VWC2: variants seen among roughly 807,000 people sequenced by gnomAD.
VWC2 encodes von Willebrand factor C domain containing 2, also known as brorin.
In VWC2, 14 loss-of-function variants were observed where a neutral mutation model predicts 29.8. That is an observed-to-expected ratio of 0.47 (90% CI 0.31 to 0.74). The LOEUF (loss-of-function observed/expected upper bound fraction) is 0.74, where lower values mean the gene tolerates loss of function less well. VWC2 is among the 30% of genes least tolerant of loss of function. The pLI, the probability that VWC2 is intolerant of heterozygous loss-of-function variation, is 0.05. For synonymous variants in VWC2, 213 were observed against 199.0 expected, an observed-to-expected ratio of 1.07 and a Z score of -0.59; for missense variants, 457 against 459.8, an observed-to-expected ratio of 0.99 and a Z score of 0.05.
At chr7:49,776,279 T>C in intron 2 of VWC2, 148 bp downstream of exon 2, 1 of 705,686 alleles carries the variant, frequency 1.4e-6, no homozygotes, top group Non-Finnish European at 2.3e-6. Flanking sequence ...TGACATGACC[T>C]CTCTTTTTCA....
At chr7:49,854,978 G>A (rs142502526) in intron 3 of VWC2, among the ~76,000 whole-genome samples, 2 of 152,332 alleles carry the variant, frequency 1.3e-5, no homozygotes, top group East Asian at 3.9e-4. Flanking sequence ...TGTCATAAGA[G>A]TAGTGCCAAG....
intron 3 of VWC2, among the ~76,000 whole-genome samples, chr7:49,811,232 G>C (rs1788998499): frequency 6.6e-6 from 1 of 152,246 alleles, no homozygotes; most frequent in African/African-American, 2.4e-5. Context: ...ACAAACAAAT[G>C]ACAAATAACC....
chr7:49,820,560 C>A (rs1323373416), intron 3 of VWC2, among the ~76,000 whole-genome samples: 1 of 152,140 alleles, frequency 6.6e-6, no homozygotes, highest in African/African-American at 2.4e-5. Flanking sequence ...GCAAGTGAGT[C>A]TTTGAACTAA....
intron 3 of VWC2, among the ~76,000 whole-genome samples, chr7:49,860,643 A>T (rs1005845941): frequency 3.0e-4 from 45 of 152,240 alleles, no homozygotes; most frequent in Non-Finnish European, 1.8e-4. Context: ...TTGCTAGGGC[A>T]TATGGTAACT....
intron 3 of VWC2, among the ~76,000 whole-genome samples, chr7:49,883,036 C>T (rs532836410): frequency 6.6e-6 from 1 of 152,174 alleles, no homozygotes; most frequent in South Asian, 2.1e-4. Context: ...ATTCCCTCTT[C>T]CTCCCTGAGC....
At chr7:49,875,369 CAAAAAAAAAAAAAAAAAA>C (rs71018432) in intron 3 of VWC2, among the ~76,000 whole-genome samples, 3 of 19,016 alleles carry the variant, frequency 1.6e-4, no homozygotes, top group African/African-American at 2.2e-4. Flanking sequence ...GATTCTGACT[CAAAAAAAAAAAAAAAAAA>C]AAAAAAAAAA....
chr7:49,782,632 T>C (rs964578291), intron 2 of VWC2, among the ~76,000 whole-genome samples: 13 of 146,326 alleles, frequency 8.9e-5, no homozygotes, highest in Admixed American at 4.1e-4. Context: ...ATGACTTGAG[T>C]CCAGGAGTTC....
rs528790694 is a variant in VWC2 at position 49,775,966 on chromosome 7, G to A, written c.531G>A (p.Pro177=). The A allele has an allele frequency of 5.8e-6, 9 of 1,550,002 alleles. No homozygotes were observed. Among genetic ancestry groups the A allele is most frequent in the African/African-American group, 1.4e-5 (1 of 73,468 alleles). ...EKFAPGPSAC[P]CLCTEEGPLC... is the part of the protein sequence containing the mutation. ...TCGCGCCGGGCCCCTCGGCCTGCCC[G>A]TGCCTGTGCACCGAGGAGGGGCCGC... The change falls in exon 2 of 4, where the codon CCG becomes CCA. Residue 177 remains proline (P), a synonymous_variant. Transcript: ENST00000340652.
At chr7:49,782,807 T>C (rs936532593) in intron 2 of VWC2, among the ~76,000 whole-genome samples, 2 of 151,984 alleles carry the variant, frequency 1.3e-5, no homozygotes, top group East Asian at 1.9e-4. Flanking sequence ...TGAGTCATGA[T>C]TGGGCCACTG....
At chr7:49,844,196 C>T (rs185201666) in intron 3 of VWC2, among the ~76,000 whole-genome samples, 4 of 152,164 alleles carry the variant, frequency 2.6e-5, no homozygotes, top group Admixed American at 6.5e-5. Context: ...TCAGAGTGGA[C>T]GTCATGCATG....
chr7:49,894,649 T>C (rs1383332872), intron 3 of VWC2, among the ~76,000 whole-genome samples: 1 of 152,224 alleles, frequency 6.6e-6, no homozygotes, highest in Non-Finnish European at 1.5e-5. Context: ...CAGTGCTGTG[T>C]TGGCTCCTGT....
chr7:49,892,976 C>G (rs1406100243), intron 3 of VWC2, among the ~76,000 whole-genome samples: 3 of 152,200 alleles, frequency 2.0e-5, no homozygotes, highest in Admixed American at 2.0e-4. Flanking sequence ...TTTAATGAAG[C>G]CTGTCCCCAA....
At chr7:49,901,863 T>G (rs765537319) in intron 3 of VWC2, among the ~76,000 whole-genome samples, 2 of 151,890 alleles carry the variant, frequency 1.3e-5, no homozygotes, top group East Asian at 3.8e-4. Context: ...TAGACTCAGA[T>G]AAATATGAAC....
intron 3 of VWC2, among the ~76,000 whole-genome samples, chr7:49,803,708 G>A (rs1413858740): frequency 6.6e-6 from 1 of 152,190 alleles, no homozygotes; most frequent in Admixed American, 6.5e-5. Flanking sequence ...AGGCTTGATA[G>A]CTGTGTGGCA....
intron 3 of VWC2, among the ~76,000 whole-genome samples, chr7:49,871,547 G>A (rs945347379): frequency 3.3e-5 from 5 of 151,998 alleles, no homozygotes; most frequent in East Asian, 1.9e-4. Context: ...GCAGAAAAAC[G>A]AATGACAGAA....
rs552297392 is a variant in VWC2 at position 49,808,980 on chromosome 7, C to G, written c.826+6140C>G. On this transcript the variant is annotated intron_variant, in intron 3 of 3. Coordinates refer to ENST00000340652, the MANE Select transcript of VWC2 (RefSeq NM_198570.5). The stretch of plus-strand genomic sequence containing the variant: ...ACCCTCTACCTTAAGGAACTAATAA[C>G]TGATCAGCTAATTTTACTAAAAGCA... 3.3e-5 allele frequency among the ~76,000 whole-genome samples: 5 copies of G among 152,054 alleles called. No homozygotes were observed. The South Asian group carries it at 1.0e-3, about 31-fold the overall frequency.
chr7:49,789,102 G>A (rs1473703747), intron 2 of VWC2, among the ~76,000 whole-genome samples: 1 of 133,652 alleles, frequency 7.5e-6, no homozygotes, highest in Non-Finnish European at 1.5e-5. Context: ...GGGTGTGAGA[G>A]AGAGATTGAG....
intron 3 of VWC2, among the ~76,000 whole-genome samples, chr7:49,878,256 A>G (rs1365761404): frequency 6.6e-6 from 1 of 152,116 alleles, no homozygotes; most frequent in Non-Finnish European, 1.5e-5. Flanking sequence ...CAATATGTTA[A>G]TATTGTGGTT....
intron 3 of VWC2, among the ~76,000 whole-genome samples, chr7:49,855,477 G>C (rs79368066): frequency 6.6e-6 from 1 of 152,144 alleles, no homozygotes; most frequent in Non-Finnish European, 1.5e-5. Context: ...GAAGGTTTGG[G>C]TATTTCCCAG....
Sources: gnomAD v4.1 joint callset for allele counts (sites outside exome capture counted in the v4.1 genomes callset) on GRCh38, gnomAD v4.1.1 for gene constraint, MANE v1.5 for transcripts, NCBI Gene and HGNC (gene_info 2026-07-23, HGNC 2026-07-21) for gene names.